Variants in DNAAF1 observed in about 807,000 individuals in gnomAD.
DNAAF1 encodes the protein dynein assembly factor 1, axonemal.
Under a neutral mutation model 71.1 loss-of-function variants are expected in DNAAF1, and 65 were observed. The observed-to-expected ratio is 0.91, with a 90% CI of 0.75 to 1.12. The LOEUF (loss-of-function observed/expected upper bound fraction) is 1.12, where lower values mean the gene tolerates loss of function less well. Among genes scored for constraint, DNAAF1 ranks in the 50% most tolerant of loss-of-function variants. DNAAF1 has a pLI of 0.00. For synonymous variants in DNAAF1, 414 were observed against 354.6 expected (o/e 1.17, Z -1.88); for missense variants, 1,178 against 899.8 (o/e 1.31, Z -3.96).
At chr16:84,159,032 C>A in intron 5 of DNAAF1, 1 of 987,490 alleles carries the variant, frequency 1.0e-6, no homozygotes, top group Non-Finnish European at 1.2e-6. Context: ...TGCCCAGCCC[C>A]ACTAAGCATT....
rs1229370631 is a variant in DNAAF1, at chr16:84,148,205, T to G, written c.125-802T>G. On this transcript the variant is annotated intron_variant, in intron 1 of 11. Transcript: ENST00000378553. ...ATTCTTGCAAGCACTTCTCTATACA[T>G]GTATGCCCTGAAACAGTGTATAGTA... 2.0e-5 allele frequency among the ~76,000 whole-genome samples: 3 copies of G among 152,366 alleles called. No homozygotes were observed. In the East Asian group the frequency reaches 5.8e-4, roughly 29 times the overall value.
At chr16:84,157,456 T>C (rs967292884) in intron 5 of DNAAF1, among the ~76,000 whole-genome samples, 16 of 146,454 alleles carry the variant, frequency 1.1e-4, no homozygotes, top group African/African-American at 3.8e-4. Flanking sequence ...CCAGGAGGCA[T>C]TGCAGTGAGC....
Position 84,149,270 on chromosome 16 carries a change from AGT to A in DNAAF1, c.260+130_260+131del, listed in dbSNP as rs576061825. ...TTGCCTGCCCAATGTCTGAGAATGG[AGT>A]GAGGATGGCACTGCCTCTGCCGCAC... On this transcript the variant is annotated intron_variant, in intron 2 of 11. Transcript: ENST00000378553. The A allele has an allele frequency of 3.3e-4, 412 of 1,247,482 alleles. 9 individuals carry two copies. The East Asian group carries it at 6.6e-3, about 20-fold the overall frequency. The allele number at this position is 1,247,482 out of a possible 1,614,324, so 77.3% of individuals were successfully genotyped here.
At chr16:84,148,391 A>C (rs945870205) in intron 1 of DNAAF1, among the ~76,000 whole-genome samples, 1 of 152,072 alleles carries the variant, frequency 6.6e-6, no homozygotes, top group African/African-American at 2.4e-5. Context: ...TTATGTAACC[A>C]GCCCCTATGG....
chr16:84,174,629 T>C (rs377049642), intron 9 of DNAAF1, 40 bp from the exon 10 acceptor site: 12 of 1,613,968 alleles, frequency 7.4e-6, no homozygotes, highest in Non-Finnish European at 1.0e-5. Flanking sequence ...TGACAGTGCG[T>C]GTACCTCCCT....
chr16:84,159,191 A>G, intron 5 of DNAAF1: 1 of 1,006,670 alleles, frequency 9.9e-7, no homozygotes, highest in South Asian at 4.2e-5. Flanking sequence ...AGGGCCGTCC[A>G]TCCTGCGGCA....
chr16:84,176,380 G>C, intron 11 of DNAAF1, 81 bp downstream of exon 11: 2 of 1,598,572 alleles, frequency 1.3e-6, no homozygotes, highest in Non-Finnish European at 1.7e-6. Context: ...CAGTCACTCA[G>C]CCTTACCCTG....
chr16:84,156,013 G>C (rs1483621145), intron 5 of DNAAF1, among the ~76,000 whole-genome samples: 1 of 151,932 alleles, frequency 6.6e-6, no homozygotes, highest in Non-Finnish European at 1.5e-5. Context: ...GATCAGGCTA[G>C]AGTGCTGTGG....
intron 7 of DNAAF1, 137 bp from the exon 8 acceptor site, chr16:84,169,722 C>T (rs1255317935): frequency 2.3e-6 from 3 of 1,311,172 alleles, no homozygotes; most frequent in Non-Finnish European, 1.1e-6. Context: ...CGCCCAGCCC[C>T]TTGAGGACAC....
chr16:84,171,259 G>A (rs990700595), intron 8 of DNAAF1, among the ~76,000 whole-genome samples: 5 of 152,096 alleles, frequency 3.3e-5, no homozygotes, highest in African/African-American at 4.8e-5. Context: ...AACATAGTGA[G>A]AAGCCCCCTT....
chr16:84,155,583 C>CCTGCCTCCCAGT lies in DNAAF1; in HGVS notation c.577_588dup (p.Cys193_Val196dup). Reference sequence around the variant, plus strand: ...GACTTCTGCTGACCTTACCTTCCAGCCTGCCTCCCAGTCCTGAACACATTG... The same window carrying CCTGCCTCCCAGT: ...GACTTCTGCTGACCTTACCTTCCAGCCTGCCTCCCAGTCTGCCTCCCAGTCCTGAACACATTG... On this transcript the variant is annotated inframe_insertion and splice_region_variant, in exon 5 of 12. Coordinates refer to ENST00000378553, the MANE Select transcript of DNAAF1 (RefSeq NM_178452.6). 6.2e-7 allele frequency: 1 copy of CCTGCCTCCCAGT among 1,614,050 alleles called. No homozygotes were observed. Among genetic ancestry groups the CCTGCCTCCCAGT allele is most frequent in the Non-Finnish European group, 8.5e-7 (1 of 1,179,982 alleles).
chr16:84,177,635 A>G lies in DNAAF1; in HGVS notation c.2066-94A>G, dbSNP rs554816005. 2.2e-3 allele frequency: 2,324 copies of G among 1,051,738 alleles called. 53 individuals carry two copies. In the South Asian group the frequency reaches 0.027, roughly 12 times the overall value. The allele number at this position is 1,051,738 out of a possible 1,614,324, so 65.2% of individuals were successfully genotyped here. ...TGAGCCACCACGCCCAGTTGAGGAC[A>G]CTGAATTTGGCCTGGACTGAACCCC... On this transcript the variant is annotated intron_variant, in intron 11 of 11. Coordinates refer to ENST00000378553, the MANE Select transcript of DNAAF1 (RefSeq NM_178452.6).
intron 7 of DNAAF1, among the ~76,000 whole-genome samples, chr16:84,166,942 C>G (rs2088039880): frequency 6.6e-6 from 1 of 152,196 alleles, no homozygotes; most frequent in African/African-American, 2.4e-5. Context: ...CCACACCCAC[C>G]AATTCTCTGA....
rs1159594805 is a variant in DNAAF1, at chr16:84,176,145, A to G, written c.1911A>G (p.Lys637=). 6.2e-7 allele frequency: 1 copy of G among 1,614,114 alleles called. No homozygotes were observed. The highest frequency in any genetic ancestry group is 1.1e-5 in the South Asian group (1 of 91,082). The part of the protein sequence containing the change: ...KEAKRDLEIR[K]QDTKSPRPLI... ...CTAAGAGGGACTTGGAAATCCGAAAACAAGACACCAAGTCCCCAAGACCCC... is the reference window on the plus strand; with the variant it reads ...CTAAGAGGGACTTGGAAATCCGAAAGCAAGACACCAAGTCCCCAAGACCCC... The change falls in exon 11 of 12, where the codon AAA becomes AAG. Residue 637 remains lysine, a synonymous_variant. Coordinates refer to ENST00000378553, the MANE Select transcript of DNAAF1 (RefSeq NM_178452.6).
chr16:84,176,207 A>G lies in DNAAF1; in HGVS notation c.1973A>G (p.Gln658Arg), dbSNP rs568725470. 6.2e-7 allele frequency: 1 copy of G among 1,613,900 alleles called. No individual in the cohort carries two copies. Among genetic ancestry groups the G allele is most frequent in the South Asian group, 1.1e-5 (1 of 91,086 alleles). ...QELSDEDPSG[Q>R]LLMPPTCQRD... ...CTCAGCGACGAGGACCCCTCTGGCCAGCTACTGATGCCCCCCACCTGCCAA... is the reference window on the plus strand; with the variant it reads ...CTCAGCGACGAGGACCCCTCTGGCCGGCTACTGATGCCCCCCACCTGCCAA... The change falls in exon 11 of 12, where the codon CAG becomes CGG. Residue 658 changes from glutamine to arginine, a missense_variant. Coordinates refer to ENST00000378553, the MANE Select transcript of DNAAF1 (RefSeq NM_178452.6).
chr16:84,168,892 C>T (rs1441930219), intron 7 of DNAAF1, among the ~76,000 whole-genome samples: 3 of 149,690 alleles, frequency 2.0e-5, no homozygotes, highest in African/African-American at 7.3e-5. Flanking sequence ...AAGATAAAGG[C>T]AAACGTCACA....
At chr16:84,153,854 C>G (rs1247592336) in intron 3 of DNAAF1, among the ~76,000 whole-genome samples, 1 of 152,116 alleles carries the variant, frequency 6.6e-6, no homozygotes, top group Non-Finnish European at 1.5e-5. Flanking sequence ...GTTACCCCCA[C>G]TGCACCCCCA....
intron 9 of DNAAF1, 112 bp from the exon 10 acceptor site, chr16:84,174,557 G>C (rs990052423): frequency 1.0e-4 from 163 of 1,597,286 alleles, no homozygotes; most frequent in Non-Finnish European, 1.3e-4. Context: ...TGAGTGATTT[G>C]AGTAACTGTA....
intron 3 of DNAAF1, among the ~76,000 whole-genome samples, chr16:84,153,178 G>A (rs2087262209): frequency 6.6e-6 from 1 of 152,134 alleles, no homozygotes; most frequent in South Asian, 2.1e-4. Context: ...TATAGATACT[G>A]ACTTCAGCAT....
Sources: allele counts gnomAD v4.1 joint callset (sites outside exome capture counted in the v4.1 genomes callset), GRCh38; gene constraint gnomAD v4.1.1; transcripts MANE v1.5; gene names NCBI Gene and HGNC (gene_info 2026-07-23, HGNC 2026-07-21).